Variants in SNAP47 observed in about 807,000 individuals in gnomAD.
SNAP47 encodes the protein synaptosome associated protein 47.
A neutral mutation model predicts 31.4 loss-of-function variants in SNAP47; 20 were observed. That is an observed-to-expected ratio of 0.64 (90% CI 0.45 to 0.93). The LOEUF is 0.93. Among genes scored for constraint, SNAP47 ranks in the 40% least tolerant of loss-of-function variants. The probability of loss-of-function intolerance (pLI) is 0.00; values close to 1 mark genes in which losing one functional copy is unlikely to be tolerated. For synonymous variants in SNAP47, 194 were observed against 213.4 expected (o/e 0.91, Z 0.79); for missense variants, 492 against 528.5 (o/e 0.93, Z 0.68).
At chr1:227,775,655 G>A (rs367828340) in intron 4 of SNAP47, 695 of 857,000 alleles carry the variant, frequency 8.1e-4, no homozygotes, top group Non-Finnish European at 1.1e-3. Flanking sequence ...CTAATGGTGC[G>A]CGCATGGACA....
chr1:227,766,430 C>T (rs987828575), intron 3 of SNAP47, among the ~76,000 whole-genome samples: 3 of 152,232 alleles, frequency 2.0e-5, no homozygotes, highest in Admixed American at 6.5e-5. Flanking sequence ...TGGCTTGGAG[C>T]CCTGAGGCTC....
upstream of SNAP47, chr1:227,735,345 G>C (rs373560504): frequency 1.4e-4 from 231 of 1,596,818 alleles, 1 homozygote; most frequent in African/African-American, 2.8e-3. Context: ...ACCAGCCTCG[G>C]AACCAGAAGA....
chr1:227,756,939 G>T lies in SNAP47; in HGVS notation c.498-2056G>T, dbSNP rs191037627. 7.9e-5 allele frequency among the ~76,000 whole-genome samples: 12 copies of T among 152,352 alleles called. No individual in the cohort carries two copies. The East Asian group carries it at 9.6e-4, about 12-fold the overall frequency. ...GGCCTCCTGCCAGGGAGCCCAAGAG[G>T]CAGGGAAGCAGGTTGTTCACCTCGA... On this transcript the variant is annotated intron_variant, in intron 2 of 4. Transcript: ENST00000617596.
chr1:227,753,600 A>C (rs1279366521), intron 2 of SNAP47, among the ~76,000 whole-genome samples: 2 of 152,132 alleles, frequency 1.3e-5, no homozygotes, highest in Non-Finnish European at 2.9e-5. Context: ...GGGGTCTGTC[A>C]TCCTCTTTCT....
At chr1:227,731,621 G>A (rs1480371466), upstream of SNAP47, 3 of 152,672 alleles carry the variant, frequency 2.0e-5, no homozygotes, top group Non-Finnish European at 4.4e-5. Context: ...GATCGGCCTG[G>A]ACGAGCCCGC....
At chr1:227,735,082 G>T, upstream of SNAP47, 1 of 1,571,894 alleles carries the variant, frequency 6.4e-7, no homozygotes, top group South Asian at 1.2e-5. Context: ...GGCTGCCCCA[G>T]CCCTGCGTGA....
At chr1:227,769,450 T>G (rs1663648980) in intron 4 of SNAP47, among the ~76,000 whole-genome samples, 1 of 151,974 alleles carries the variant, frequency 6.6e-6, no homozygotes, top group African/African-American at 2.4e-5. Context: ...GAATTCCTAG[T>G]GCACAGTTGA....
upstream of SNAP47, chr1:227,733,551 C>CT: frequency 6.2e-7 from 1 of 1,606,770 alleles, no homozygotes; most frequent in Non-Finnish European, 8.5e-7. Context: ...GAGGTCACGT[C>CT]GTAGGGCAGG....
intron 2 of SNAP47, among the ~76,000 whole-genome samples, chr1:227,758,486 G>A (rs1662833542): frequency 6.6e-6 from 1 of 151,004 alleles, no homozygotes; most frequent in Non-Finnish European, 1.5e-5. Flanking sequence ...GACGAGAGTG[G>A]GTGTTGAGAG....
intron 4 of SNAP47, chr1:227,777,000 G>A (rs1664198948): frequency 5.1e-6 from 5 of 985,078 alleles, no homozygotes; most frequent in South Asian, 9.4e-5. Flanking sequence ...CAAATAAATT[G>A]TGCATATTAT....
At chr1:227,753,751 T>TA (rs903260905) in intron 2 of SNAP47, among the ~76,000 whole-genome samples, 1 of 151,970 alleles carries the variant, frequency 6.6e-6, no homozygotes, top group Admixed American at 6.5e-5. Flanking sequence ...TCACAGGGCA[T>TA]TCAACAGGGC....
At chr1:227,778,994 C>T (rs1270589314) in intron 4 of SNAP47, among the ~76,000 whole-genome samples, 1 of 152,206 alleles carries the variant, frequency 6.6e-6, no homozygotes, top group African/African-American at 2.4e-5. Flanking sequence ...CTCATTTCAC[C>T]TCTGCCGTGT....
intron 1 of SNAP47, among the ~76,000 whole-genome samples, chr1:227,737,216 G>A (rs1442207313): frequency 2.0e-5 from 3 of 152,236 alleles, no homozygotes; most frequent in African/African-American, 7.2e-5. Flanking sequence ...GGATGCAGAA[G>A]GAAAGATAGC....
chr1:227,745,159 A>AT (rs1661880407), intron 1 of SNAP47, among the ~76,000 whole-genome samples: 1 of 152,130 alleles, frequency 6.6e-6, no homozygotes, highest in Admixed American at 6.5e-5. Context: ...TTTTAATGTG[A>AT]TTTTCTATTG....
chr1:227,730,023 C>T (rs888989273), upstream of SNAP47, among the ~76,000 whole-genome samples: 1 of 152,250 alleles, frequency 6.6e-6, no homozygotes. Context: ...GTATATCCAT[C>T]TATGTGCAGC....
intron 4 of SNAP47, among the ~76,000 whole-genome samples, chr1:227,771,659 C>A (rs1400625141): frequency 1.4e-4 from 19 of 131,674 alleles, no homozygotes; most frequent in Non-Finnish European, 3.3e-5. Flanking sequence ...ACCCCGCCCA[C>A]CCCCACCCCC....
At chr1:227,730,582 G>GT (rs748968428), upstream of SNAP47, 3 of 152,226 alleles carry the variant, frequency 2.0e-5, no homozygotes, top group Admixed American at 1.3e-4. Flanking sequence ...TGCTGCATCT[G>GT]TAACAGCCCC....
chr1:227,759,443 A>T lies in SNAP47; in HGVS notation c.946A>T (p.Thr316Ser). 6.2e-7 allele frequency: 1 copy of T among 1,614,072 alleles called. No individual in the cohort carries two copies. The highest frequency in any genetic ancestry group is 1.1e-5 in the South Asian group (1 of 91,070). The change falls in exon 3 of 5, where the codon ACC becomes TCC. Residue 316 changes from threonine (T) to serine (S), a missense_variant. Physicochemically the swap from Thr to Ser is moderately conservative, Grantham distance 58. Transcript: ENST00000617596. Reference protein sequence around the residue: ...EDALVLRSARTSSPAEKSCSV... With the variant: ...EDALVLRSARSSSPAEKSCSV... ...TGCATTGGTGCTCAGAAGCGCAAGA[A>T]CCTCTTCCCCCGCAGAGAAGAGCTG...
intron 4 of SNAP47, among the ~76,000 whole-genome samples, chr1:227,777,398 T>C (rs913591232): frequency 6.6e-6 from 1 of 151,416 alleles, no homozygotes; most frequent in Admixed American, 6.6e-5. Context: ...TGAACGGGAG[T>C]GTGGGGCTGT....
Sources: allele counts gnomAD v4.1 joint callset (sites outside exome capture counted in the v4.1 genomes callset), GRCh38; gene constraint gnomAD v4.1.1; transcripts MANE v1.5; gene names NCBI Gene and HGNC (gene_info 2026-07-23, HGNC 2026-07-21).